MMRN2: variants seen among roughly 807,000 people sequenced by gnomAD.
The protein encoded by MMRN2 is multimerin 2.
MMRN2 carries 53 observed loss-of-function variants against 68.8 expected under a neutral mutation model. That is an observed-to-expected ratio of 0.77 (90% CI 0.62 to 0.97). The LOEUF (loss-of-function observed/expected upper bound fraction) is 0.97, where lower values mean the gene tolerates loss of function less well. Ranked by LOEUF, MMRN2 falls within the 50% of genes least tolerant of loss-of-function variation. The probability of loss-of-function intolerance (pLI) is 0.00; values close to 1 mark genes in which losing one functional copy is unlikely to be tolerated. For synonymous variants in MMRN2, 564 were observed against 551.6 expected, an observed-to-expected ratio of 1.02 and a Z score of -0.32; for missense variants, 1,266 against 1,259.5, an observed-to-expected ratio of 1.01 and a Z score of -0.08.
chr10:86,937,007 G>T lies in MMRN2; in HGVS notation c.2586C>A (p.Phe862Leu). 6.2e-7 allele frequency: 1 copy of T among 1,614,242 alleles called. No individual in the cohort carries two copies. Among genetic ancestry groups the T allele is most frequent in the Non-Finnish European group, 8.5e-7 (1 of 1,180,044 alleles). ...GGTAGACACCACGCTCAGGGGCTCG[G>T]AAGTAGCCATGTTCAGGGAAGTAGC... Reference protein sequence around the residue: ...GSSYFPEHGYFRAPERGVYLF... With the variant: ...GSSYFPEHGYLRAPERGVYLF... Residue 862 changes from phenylalanine to leucine, a missense_variant, in exon 7 of 7, where the codon TTC (phenylalanine) becomes TTA (leucine). Physicochemically the swap from Phe to Leu is conservative, Grantham distance 22. Coordinates refer to ENST00000372027, the MANE Select transcript of MMRN2 (RefSeq NM_024756.3).
chr10:86,936,808 C>G lies in MMRN2; in HGVS notation c.2785G>C (p.Gly929Arg), dbSNP rs753274429. The G allele has an allele frequency of 6.2e-7, 1 of 1,614,156 alleles. No individual in the cohort carries two copies. The highest frequency in any genetic ancestry group is 2.2e-5 in the East Asian group (1 of 44,884). ...GERVWFELTQ[G>R]SITKRSLSGT... ...GACAGGCTTCTCTTTGTTATTGATCCCTGGGTTAACTCAAACCATACTCGC... is the reference window on the plus strand; with the variant it reads ...GACAGGCTTCTCTTTGTTATTGATCGCTGGGTTAACTCAAACCATACTCGC... Residue 929 changes from glycine to arginine, a missense_variant, in exon 7 of 7, where the codon GGA (glycine) becomes CGA (arginine). Physicochemically the swap from Gly to Arg is moderately radical, Grantham distance 125. Transcript: ENST00000372027.
In MMRN2 at chr10:86,957,536, G is replaced by T; in HGVS notation, c.6C>A (p.Ile2=). 6.2e-7 allele frequency: 1 copy of T among 1,608,406 alleles called. No homozygotes were observed. The highest frequency in any genetic ancestry group is 8.5e-7 in the Non-Finnish European group (1 of 1,177,880). M[I]LSLLFSLGGP... ...CCCCAAGGCTGAACAGCAAGCTCAG[G>T]ATCATCTTGGTGGTGGGGCAGGCTC... Residue 2 remains isoleucine, a synonymous_variant, in exon 1 of 7, where the codon ATC becomes ATA. Transcript: ENST00000372027.
Position 86,945,492 on chromosome 10 carries a change from G to A in MMRN2, c.294-16C>T. 1 of 1,556,438 alleles carries A rather than the reference G, an allele frequency of 6.4e-7. No individual in the cohort carries two copies. Among genetic ancestry groups the A allele is most frequent in the Non-Finnish European group, 8.7e-7 (1 of 1,149,630 alleles). Reference sequence around the variant, plus strand: ...CATGCGGTACCTGGAAGAGGAGAAGGGCTGGCTCAGTGATTCCAGGGAGGG... The same window carrying A: ...CATGCGGTACCTGGAAGAGGAGAAGAGCTGGCTCAGTGATTCCAGGGAGGG... On this transcript the variant is annotated splice_polypyrimidine_tract_variant and intron_variant, in intron 2 of 6. Coordinates refer to ENST00000372027, the MANE Select transcript of MMRN2 (RefSeq NM_024756.3).
At chr10:86,937,196 C>T (rs1843893140) in intron 6 of MMRN2, 71 bp from the exon 7 acceptor site, 1 of 1,528,292 alleles carries the variant, frequency 6.5e-7, no homozygotes, top group East Asian at 2.3e-5. Flanking sequence ...AACCCTGAGA[C>T]CTACCGTCCT....
In MMRN2 at chr10:86,943,941, C is replaced by T. The variant is rs1187373235; in HGVS notation, c.843G>A (p.Val281=). ...CAAGCTCCTGGAAGTCAGCCCTGGC[C>T]ACGGCACTGTCCTGGACTCTGGAGA... The part of the protein sequence containing the change: ...QAISRVQDSA[V]ARADFQELGA... The change falls in exon 6 of 7, where the codon GTG becomes GTA. Residue 281 remains valine, a synonymous_variant. Coordinates refer to ENST00000372027, the MANE Select transcript of MMRN2 (RefSeq NM_024756.3). The surrounding 1 kb of genome is among the most constrained non-coding windows in gnomAD (Gnocchi z 4.2). 6 of 1,614,018 alleles carry T rather than the reference C, an allele frequency of 3.7e-6. No homozygotes were observed. The East Asian group carries it at 1.1e-4, about 30-fold the overall frequency.
At chr10:86,939,831 GTGTGTGTT>G (rs1180353513) in intron 6 of MMRN2, among the ~76,000 whole-genome samples, 57 of 135,434 alleles carry the variant, frequency 4.2e-4, no homozygotes, top group African/African-American at 7.8e-4. Context: ...GTGTGTGTGT[GTGTGTGTT>G]TGTGTGTGTG....
At chr10:86,952,383 G>A (rs528508632) in intron 1 of MMRN2, among the ~76,000 whole-genome samples, 1 of 152,328 alleles carries the variant, frequency 6.6e-6, no homozygotes, top group South Asian at 2.1e-4. Flanking sequence ...GAAACTCCTG[G>A]AACATGGGCT....
At chr10:86,957,309 G>C in intron 1 of MMRN2, 69 bp downstream of exon 1, 1 of 1,530,322 alleles carries the variant, frequency 6.5e-7, no homozygotes, top group Non-Finnish European at 9.0e-7. Context: ...GTCTAGAGAG[G>C]CTCTGCTCTA....
rs1305421246 is a variant in MMRN2 at position 86,937,142 on chromosome 10, C to T, written c.2468-17G>A. On this transcript the variant is annotated splice_polypyrimidine_tract_variant and intron_variant, in intron 6 of 6. Coordinates refer to ENST00000372027, the MANE Select transcript of MMRN2 (RefSeq NM_024756.3). Reference sequence around the variant, plus strand: ...CAGGGGATCCTGAAACATAACAGGACAGTGCTTAGTGATTCATCCCTTACA... The same window carrying T: ...CAGGGGATCCTGAAACATAACAGGATAGTGCTTAGTGATTCATCCCTTACA... 1.9e-6 allele frequency: 3 copies of T among 1,611,562 alleles called. No homozygotes were observed. Among genetic ancestry groups the T allele is most frequent in the African/African-American group, 1.3e-5 (1 of 74,888 alleles).
At position 86,936,428 on chromosome 10, in the gene MMRN2, A is replaced by G. The variant is rs1843879042; in HGVS notation, c.*315T>C. ...CCAACCACAGGAGGAGCAAAACACC[A>G]AAGAAGTTGTAGAATACAGGGTGTG... On this transcript the variant is annotated 3_prime_UTR_variant, in exon 7 of 7. Coordinates refer to ENST00000372027, the MANE Select transcript of MMRN2 (RefSeq NM_024756.3). 1 of 476,444 alleles carries G rather than the reference A, an allele frequency of 2.1e-6. No individual in the cohort carries two copies. Among genetic ancestry groups the G allele is most frequent in the Admixed American group, 3.6e-5 (1 of 27,596 alleles). The allele number at this position is 476,444 out of a possible 1,614,324, so 29.5% of individuals were successfully genotyped here.
At chr10:86,944,584 G>C in intron 4 of MMRN2, 149 bp from the exon 5 acceptor site, 2 of 767,014 alleles carry the variant, frequency 2.6e-6, no homozygotes, top group Non-Finnish European at 4.2e-6. Flanking sequence ...TAAACCCCTG[G>C]AGGGCAAATG....
chr10:86,955,413 G>A (rs564879925), intron 1 of MMRN2, among the ~76,000 whole-genome samples: 2 of 152,336 alleles, frequency 1.3e-5, no homozygotes, highest in East Asian at 3.9e-4. Flanking sequence ...CTCCACCTCA[G>A]GGAAGTCTGA....
rs1163477406 is a variant in MMRN2, at chr10:86,936,603, C to T, written c.*140G>A. 2.8e-6 allele frequency: 3 copies of T among 1,058,818 alleles called. No individual in the cohort carries two copies. The highest frequency in any genetic ancestry group is 4.4e-5 in the Admixed American group (2 of 45,746). The allele number at this position is 1,058,818 out of a possible 1,614,324, so 65.6% of individuals were successfully genotyped here. A position where few individuals can be genotyped will look rare whatever the true frequency, so the allele number is the denominator to read the frequency against. The stretch of plus-strand genomic sequence containing the variant: ...GCCCCATGTGGTTACAGGGAAGCCA[C>T]GTACACCACACCATCTTTGCAGAAG... On this transcript the variant is annotated 3_prime_UTR_variant, in exon 7 of 7. Transcript: ENST00000372027.
chr10:86,943,643 A>G lies in MMRN2; in HGVS notation c.1141T>C (p.Ser381Pro), dbSNP rs746061083. 1.2e-6 allele frequency: 2 copies of G among 1,613,090 alleles called. No homozygotes were observed. The highest frequency in any genetic ancestry group is 2.7e-5 in the African/African-American group (2 of 74,910). The change falls in exon 6 of 7, where the codon TCA (serine) becomes CCA (proline). Residue 381 changes from serine (S) to proline (P), a missense_variant. By Grantham distance (74) the Ser-to-Pro change is moderately conservative (BLOSUM62 -1). Coordinates refer to ENST00000372027, the MANE Select transcript of MMRN2 (RefSeq NM_024756.3). The surrounding 1 kb of genome is among the most constrained non-coding windows in gnomAD (Gnocchi z 4.2). ...CGGGCCGTGGTCATGTGCAGCTCTGAGAGGTTCCTCTGCAGCTGGCCCAGC... is the reference window on the plus strand; with the variant it reads ...CGGGCCGTGGTCATGTGCAGCTCTGGGAGGTTCCTCTGCAGCTGGCCCAGC... ...ARLGQLQRNL[S>P]ELHMTTARRE...
rs762350147 is a variant in MMRN2 at position 86,943,738 on chromosome 10, G to A, written c.1046C>T (p.Thr349Ile). Residue 349 changes from threonine (T) to isoleucine (I), a missense_variant, in exon 6 of 7, where the codon ACC becomes ATC. Coordinates refer to ENST00000372027, the MANE Select transcript of MMRN2 (RefSeq NM_024756.3). This position sits in a 1 kb window ranked among gnomAD's most constrained non-coding sequence, Gnocchi z 4.2. ...CGTTGCCAACACCAGACTGCCATTG[G>A]TCCCTGGGGCCTCCTGAGCCTTGTG... ...RLHKAQEAPGTNGSLVLATPG... is the reference protein window; with the variant it reads ...RLHKAQEAPGINGSLVLATPG... 2 of 1,608,502 alleles carry A rather than the reference G, an allele frequency of 1.2e-6. No individual in the cohort carries two copies. Among genetic ancestry groups the A allele is most frequent in the South Asian group, 2.2e-5 (2 of 91,086 alleles).
At chr10:86,945,731 A>C (rs1844057747) in intron 1 of MMRN2, 42 bp from the exon 2 acceptor site, 6 of 1,612,822 alleles carry the variant, frequency 3.7e-6, no homozygotes, top group Non-Finnish European at 5.1e-6. Flanking sequence ...AGCCACACCC[A>C]GGTCAACAGG....
At position 86,936,237 on chromosome 10, in the gene MMRN2, C is replaced by T; in HGVS notation, c.*506G>A. ...GTCTTCATTACTGACTAATAGAGACCAAGCAGGTTGGTTTAATCCCATTGC... is the reference window on the plus strand; with the variant it reads ...GTCTTCATTACTGACTAATAGAGACTAAGCAGGTTGGTTTAATCCCATTGC... On this transcript the variant is annotated 3_prime_UTR_variant, in exon 7 of 7. Transcript: ENST00000372027. 1 of 405,506 alleles carries T rather than the reference C, an allele frequency of 2.5e-6. No individual in the cohort carries two copies. Among genetic ancestry groups the T allele is most frequent in the Non-Finnish European group, 4.3e-6 (1 of 230,274 alleles). The allele number at this position is 405,506 out of a possible 1,614,324, so 25.1% of individuals were successfully genotyped here. A position where few individuals can be genotyped will look rare whatever the true frequency, so the allele number is the denominator to read the frequency against.
intron 6 of MMRN2, among the ~76,000 whole-genome samples, chr10:86,940,073 C>T (rs1472875543): frequency 2.0e-5 from 3 of 148,400 alleles, no homozygotes; most frequent in East Asian, 2.0e-4. Flanking sequence ...AGTGCAGTGG[C>T]GCAATCTCGG....
rs1843882861 is a variant in MMRN2, at chr10:86,936,613, A to G, written c.*130T>C. The G allele has an allele frequency of 8.5e-7, 1 of 1,176,288 alleles. No homozygotes were observed. The highest frequency in any genetic ancestry group is 1.2e-6 in the Non-Finnish European group (1 of 825,638). 72.9% of individuals were successfully genotyped at this position (1,176,288 alleles called of 1,614,324 possible). A position where few individuals can be genotyped will look rare whatever the true frequency, so the allele number is the denominator to read the frequency against. On this transcript the variant is annotated 3_prime_UTR_variant, in exon 7 of 7. Transcript: ENST00000372027. ...GTTACAGGGAAGCCACGTACACCACACCATCTTTGCAGAAGGTTTCCAGGG... is the reference window on the plus strand; with the variant it reads ...GTTACAGGGAAGCCACGTACACCACGCCATCTTTGCAGAAGGTTTCCAGGG...
Sources: allele counts gnomAD v4.1 joint callset (sites outside exome capture counted in the v4.1 genomes callset), GRCh38; gene constraint gnomAD v4.1.1; non-coding constraint Gnocchi (gnomAD v3.1); transcripts MANE v1.5; gene names NCBI Gene and HGNC (gene_info 2026-07-23, HGNC 2026-07-21).